The following FHIP2A variants were observed in gnomAD, a reference collection of about 807,000 sequenced individuals.
FHIP2A encodes the protein family with sequence similarity 160 member B1.
FHIP2A carries 46 observed loss-of-function variants against 93.5 expected under a neutral mutation model. That is an observed-to-expected ratio of 0.49 (90% CI 0.39 to 0.63). The LOEUF (loss-of-function observed/expected upper bound fraction) is 0.63, where lower values mean the gene tolerates loss of function less well. Ranked by LOEUF, FHIP2A falls within the 20% of genes least tolerant of loss-of-function variation. The pLI, the probability that FHIP2A is intolerant of heterozygous loss-of-function variation, is 0.00. For synonymous variants in FHIP2A, 332 were observed against 326.5 expected (o/e 1.02, Z -0.18); for missense variants, 769 against 909.7 (o/e 0.85, Z 1.99).
At chr10:114,898,104 C>T (rs55993822) in intron 16 of FHIP2A, among the ~76,000 whole-genome samples, 5,735 of 152,170 alleles carry the variant, frequency 0.038, 374 homozygotes, top group African/African-American at 0.13. Flanking sequence ...CATATGGAAG[C>T]GAAGAAGCCA....
chr10:114,826,470 A>C (rs1267268037), intron 1 of FHIP2A, among the ~76,000 whole-genome samples: 1 of 152,266 alleles, frequency 6.6e-6, no homozygotes, highest in Non-Finnish European at 1.5e-5. Context: ...AATGTACATG[A>C]AGTGCTTAGT....
At chr10:114,869,636 A>G (rs1339219748), downstream of FHIP2A, among the ~76,000 whole-genome samples, 4 of 152,198 alleles carry the variant, frequency 2.6e-5, no homozygotes, top group Non-Finnish European at 5.9e-5. Context: ...AAAGACTTAC[A>G]TTTTCCATAA....
intron 1 of FHIP2A, among the ~76,000 whole-genome samples, chr10:114,824,282 A>G (rs1480394823): frequency 6.6e-6 from 1 of 152,144 alleles, no homozygotes; most frequent in Admixed American, 6.5e-5. Context: ...CTGCTCTCCT[A>G]GTAAAGGCTC....
rs144351836 is a variant in FHIP2A at position 114,840,089 on chromosome 10, A to G, written c.523-2844A>G. 5.3e-3 allele frequency among the ~76,000 whole-genome samples: 800 copies of G among 151,824 alleles called. 9 individuals carry two copies. Among genetic ancestry groups the G allele is most frequent in the African/African-American group, 0.018 (755 of 41,426 alleles). Reference sequence around the variant, plus strand: ...GTCATCAAGAAAGTCTTCCTGGAAGAGGTCATCTTTGAAATGAGGCTGGGC... The same window carrying G: ...GTCATCAAGAAAGTCTTCCTGGAAGGGGTCATCTTTGAAATGAGGCTGGGC... On this transcript the variant is annotated intron_variant, in intron 5 of 16. Coordinates refer to ENST00000369248, the MANE Select transcript of FHIP2A (RefSeq NM_020940.4).
intron 16 of FHIP2A, among the ~76,000 whole-genome samples, chr10:114,892,408 T>G (rs1441583121): frequency 6.6e-6 from 1 of 152,094 alleles, no homozygotes; most frequent in Non-Finnish European, 1.5e-5. Context: ...GTGTTCGAGG[T>G]GGGTGGATCA....
At chr10:114,865,753 G>T (rs535222322), downstream of FHIP2A, among the ~76,000 whole-genome samples, 10 of 151,386 alleles carry the variant, frequency 6.6e-5, no homozygotes, top group East Asian at 1.9e-3. Flanking sequence ...ACATAAAACT[G>T]TAAAAGTTGA....
chr10:114,866,974 T>C (rs2083832297), downstream of FHIP2A, among the ~76,000 whole-genome samples: 1 of 152,096 alleles, frequency 6.6e-6, no homozygotes, highest in Non-Finnish European at 1.5e-5. Flanking sequence ...TTTGGGAGGC[T>C]GAGGCAGGCA....
chr10:114,841,931 C>T (rs2083671260), intron 5 of FHIP2A, among the ~76,000 whole-genome samples: 1 of 152,132 alleles, frequency 6.6e-6, no homozygotes, highest in African/African-American at 2.4e-5. Flanking sequence ...TGCTAATTTG[C>T]TTCAGTTAAG....
In FHIP2A at chr10:114,861,305, G is replaced by A. The variant is rs146600362; in HGVS notation, c.2163G>A (p.Arg721=). The change falls in exon 16 of 17, where the codon CGG becomes CGA. Residue 721 remains arginine, a synonymous_variant. Coordinates refer to ENST00000369248, the MANE Select transcript of FHIP2A (RefSeq NM_020940.4). ...CCAAGCTTCTGTTAGTCAGAAAGCG[G>A]TTACTTGGTTTGGAACCTGAAGGCC... The part of the protein sequence containing the change: ...FTPKLLLVRK[R]LLGLEPEGPI... 2 of 1,614,204 alleles carry A rather than the reference G, an allele frequency of 1.2e-6. No individual in the cohort carries two copies. The highest frequency in any genetic ancestry group is 3.3e-5 in the Admixed American group (2 of 60,022).
chr10:114,827,602 C>T (rs1173388700), intron 1 of FHIP2A, among the ~76,000 whole-genome samples: 2 of 152,096 alleles, frequency 1.3e-5, no homozygotes, highest in Non-Finnish European at 2.9e-5. Flanking sequence ...TCGAGACCAT[C>T]CTGGCTAACA....
chr10:114,836,299 T>A lies in FHIP2A; in HGVS notation c.522+53T>A, dbSNP rs752229620. On this transcript the variant is annotated intron_variant, in intron 5 of 16. Coordinates refer to ENST00000369248, the MANE Select transcript of FHIP2A (RefSeq NM_020940.4). ...AACTGTAGTTATATTAAGATCATTA[T>A]GAAAATTGAATTATGTGAATAATAT... The A allele has an allele frequency of 5.8e-6, 8 of 1,370,104 alleles. No individual in the cohort carries two copies. In the East Asian group the frequency reaches 1.9e-4, roughly 32 times the overall value. 84.9% of individuals were successfully genotyped at this position (1,370,104 alleles called of 1,614,324 possible). A position where few individuals can be genotyped will look rare whatever the true frequency, so the allele number is the denominator to read the frequency against.
intron 7 of FHIP2A, among the ~76,000 whole-genome samples, chr10:114,845,156 C>A (rs766682871): frequency 6.6e-6 from 1 of 152,090 alleles, no homozygotes; most frequent in South Asian, 2.1e-4. Context: ...CTACTTAATA[C>A]GTGAAAATTA....
intron 16 of FHIP2A, among the ~76,000 whole-genome samples, chr10:114,876,257 GTGGAC>G (rs1053440621): frequency 6.6e-6 from 1 of 152,174 alleles, no homozygotes; most frequent in Non-Finnish European, 1.5e-5. Context: ...AAGGAGCGCT[GTGGAC>G]CAGGCATGCA....
chr10:114,879,525 A>G lies in FHIP2A; in HGVS notation c.2192+18191A>G, dbSNP rs1282886829. On this transcript the variant is annotated intron_variant, in intron 16 of 16. Coordinates refer to the FHIP2A transcript ENST00000369250. ...GTAATGATGCAGGAAAAAAATGTCTATGAAATAGAGCATTTTATAGAGTTC... is the reference window on the plus strand; with the variant it reads ...GTAATGATGCAGGAAAAAAATGTCTGTGAAATAGAGCATTTTATAGAGTTC... 2.0e-5 allele frequency among the ~76,000 whole-genome samples: 3 copies of G among 152,182 alleles called. No individual in the cohort carries two copies. In the East Asian group the frequency reaches 5.8e-4, roughly 29 times the overall value.
chr10:114,845,832 A>G (rs2083697364), intron 8 of FHIP2A, among the ~76,000 whole-genome samples, 181 bp from the exon 9 acceptor site: 1 of 152,176 alleles, frequency 6.6e-6, no homozygotes, highest in Non-Finnish European at 1.5e-5. Flanking sequence ...TTTAGAAAAA[A>G]GTGTAAATGA....
At chr10:114,877,132 C>A (rs922266180) in intron 16 of FHIP2A, among the ~76,000 whole-genome samples, 1 of 152,150 alleles carries the variant, frequency 6.6e-6, no homozygotes, top group Non-Finnish European at 1.5e-5. Context: ...CTCAAGGGAG[C>A]TTTCACAGGC....
At chr10:114,836,482 T>G (rs534105841) in intron 5 of FHIP2A, among the ~76,000 whole-genome samples, 8 of 152,290 alleles carry the variant, frequency 5.3e-5, no homozygotes, top group Non-Finnish European at 1.0e-4. Flanking sequence ...AGATACAAAG[T>G]CATGGCTTAA....
intron 4 of FHIP2A, 75 bp downstream of exon 4, chr10:114,835,716 T>A: frequency 1.0e-6 from 1 of 962,070 alleles, no homozygotes; most frequent in Non-Finnish European, 1.5e-6. Flanking sequence ...ATTATTTTTC[T>A]GAGAGTAAAA....
Position 114,846,205 on chromosome 10 carries a change from T to C in FHIP2A, c.1236T>C (p.Ala412=). 6.2e-7 allele frequency: 1 copy of C among 1,614,212 alleles called. No homozygotes were observed. The highest frequency in any genetic ancestry group is 8.5e-7 in the Non-Finnish European group (1 of 1,180,026). Residue 412 remains alanine, a synonymous_variant, in exon 10 of 17, where the codon GCT becomes GCC. Transcript: ENST00000369248. ...AGATGGGTATTCTCACATCCACTGC[T>C]CTGCTTCATCGCATCGTTCGGCAAG... is the stretch of plus-strand genomic sequence containing the variant. ...TSEMGILTST[A]LLHRIVRQVT... is the part of the protein sequence containing the mutation.
Sources: gnomAD v4.1 joint callset for allele counts (sites outside exome capture counted in the v4.1 genomes callset) on GRCh38, gnomAD v4.1.1 for gene constraint, MANE v1.5 for transcripts, NCBI Gene and HGNC (gene_info 2026-07-23, HGNC 2026-07-21) for gene names.